Variants in ECT2L observed in about 807,000 individuals in gnomAD.
The protein encoded by ECT2L is epithelial cell transforming 2 like, also known as epithelial cell-transforming sequence 2 oncogene-like.
ECT2L carries 126 observed loss-of-function variants against 122.8 expected under a neutral mutation model. The observed-to-expected ratio is 1.03, with a 90% confidence interval of 0.89 to 1.19. ECT2L has a LOEUF of 1.19. Among genes scored for constraint, ECT2L ranks in the 50% most tolerant of loss-of-function variants. The pLI, the probability that ECT2L is intolerant of heterozygous loss-of-function variation, is 0.00. For synonymous variants in ECT2L, 385 were observed against 381.8 expected (o/e 1.01, Z -0.10); for missense variants, 1,012 against 1,064.1 (o/e 0.95, Z 0.68).
chr6:138,847,947 C>G (rs2128392327), intron 8 of ECT2L, among the ~76,000 whole-genome samples: 1 of 152,242 alleles, frequency 6.6e-6, no homozygotes, highest in African/African-American at 2.4e-5. Context: ...AAGGAGGCCT[C>G]AGGAAACTTA....
At chr6:138,850,150 CT>C (rs889584122) in intron 9 of ECT2L, among the ~76,000 whole-genome samples, 1 of 30,262 alleles carries the variant, frequency 3.3e-5, no homozygotes, top group Non-Finnish European at 7.5e-5. Flanking sequence ...TGACTTTTTT[CT>C]TTTTTCGAGA....
At chr6:138,809,930 A>G (rs1249685608) in intron 1 of ECT2L, among the ~76,000 whole-genome samples, 1 of 152,208 alleles carries the variant, frequency 6.6e-6, no homozygotes, top group Non-Finnish European at 1.5e-5. Flanking sequence ...ACAGCATGAA[A>G]TTGTTGTGGA....
intron 13 of ECT2L, among the ~76,000 whole-genome samples, chr6:138,874,200 A>G (rs1484092800): frequency 6.6e-6 from 1 of 152,100 alleles, no homozygotes; most frequent in South Asian, 2.1e-4. Context: ...CATCCTAGAG[A>G]AAAATTCCTA....
At chr6:138,817,278 C>A (rs555650014) in intron 4 of ECT2L, among the ~76,000 whole-genome samples, 1 of 152,254 alleles carries the variant, frequency 6.6e-6, no homozygotes, top group East Asian at 1.9e-4. Flanking sequence ...TGTTTTATTT[C>A]TCTTAGCTAT....
At chr6:138,826,487 C>A (rs1459754944) in intron 4 of ECT2L, among the ~76,000 whole-genome samples, 1 of 151,900 alleles carries the variant, frequency 6.6e-6, no homozygotes, top group Non-Finnish European at 1.5e-5. Context: ...ACCAGCCTGG[C>A]CAACATGGTG....
intron 15 of ECT2L, among the ~76,000 whole-genome samples, chr6:138,881,814 T>C (rs1463496461): frequency 1.3e-5 from 2 of 151,896 alleles, no homozygotes; most frequent in African/African-American, 2.4e-5. Flanking sequence ...CAGGGAGCGG[T>C]TGTAAATATC....
chr6:138,848,029 G>C (rs974137054), intron 8 of ECT2L, among the ~76,000 whole-genome samples: 8 of 152,182 alleles, frequency 5.3e-5, no homozygotes, highest in Admixed American at 1.3e-4. Flanking sequence ...AGAATGAGCA[G>C]AGGAAATGCC....
rs1250704729 is a variant in ECT2L, at chr6:138,887,768, T to C, written c.2325+846T>C. ...ACACATTTGTGCTTTGTGCATACTC[T>C]TTCTTCTCTGAAATTGCTTTTCTTT... On this transcript the variant is annotated intron_variant, in intron 19 of 21. Coordinates refer to ENST00000541398, the MANE Select transcript of ECT2L (RefSeq NM_001077706.3). 3.3e-5 allele frequency among the ~76,000 whole-genome samples: 5 copies of C among 152,360 alleles called. No individual in the cohort carries two copies. In the East Asian group the frequency reaches 7.7e-4, roughly 23 times the overall value.
chr6:138,898,179 C>T (rs1450819699), intron 20 of ECT2L, among the ~76,000 whole-genome samples: 1 of 152,190 alleles, frequency 6.6e-6, no homozygotes, highest in African/African-American at 2.4e-5. Context: ...AATGCACCTC[C>T]TGCCTTTCTT....
intron 20 of ECT2L, among the ~76,000 whole-genome samples, chr6:138,893,350 A>G (rs964714650): frequency 7.2e-5 from 11 of 151,782 alleles, no homozygotes; most frequent in African/African-American, 2.7e-4. Context: ...TTAAGAACAA[A>G]ATATTCTGGG....
At chr6:138,834,894 TACACACACACACACACACACACAC>T (rs544584441) in intron 4 of ECT2L, among the ~76,000 whole-genome samples, 1 of 137,336 alleles carries the variant, frequency 7.3e-6, no homozygotes, top group Admixed American at 7.5e-5. Flanking sequence ...TGCCCCCGTT[TACACACACACACACACACACACAC>T]ACACACACAC....
intron 13 of ECT2L, among the ~76,000 whole-genome samples, chr6:138,870,479 T>A (rs554119235): frequency 6.6e-5 from 10 of 152,158 alleles, no homozygotes; most frequent in African/African-American, 2.4e-4. Context: ...AATAGGGTGT[T>A]TTGTAGTTTC....
chr6:138,860,781 A>G (rs2128398479), intron 10 of ECT2L, among the ~76,000 whole-genome samples: 1 of 146,882 alleles, frequency 6.8e-6, no homozygotes, highest in South Asian at 2.1e-4. Context: ...ACATGGGTAT[A>G]CATGTGCCAT....
intron 13 of ECT2L, among the ~76,000 whole-genome samples, chr6:138,873,888 G>GTGTGTGTGTGTGTGTA (rs1778345703): frequency 2.4e-5 from 3 of 126,556 alleles, no homozygotes; most frequent in African/African-American, 9.1e-5. Context: ...GTGTGTGTGT[G>GTGTGTGTGTGTGTGTA]TGTGTGTGTG....
chr6:138,841,137 CATTTA>C (rs1777025398), intron 5 of ECT2L, among the ~76,000 whole-genome samples: 1 of 152,122 alleles, frequency 6.6e-6, no homozygotes, highest in Non-Finnish European at 1.5e-5. Context: ...TCTACCTAGT[CATTTA>C]TTTTAGATAT....
intron 4 of ECT2L, among the ~76,000 whole-genome samples, chr6:138,836,066 G>C (rs146309201): frequency 8.3e-4 from 127 of 152,210 alleles, no homozygotes; most frequent in Non-Finnish European, 1.5e-3. Flanking sequence ...AAATGATGCT[G>C]TGTTCTCAGT....
At chr6:138,874,311 T>C (rs1340809035) in intron 13 of ECT2L, among the ~76,000 whole-genome samples, 1 of 152,192 alleles carries the variant, frequency 6.6e-6, no homozygotes, top group Non-Finnish European at 1.5e-5. Flanking sequence ...CTTATAAATG[T>C]GCAAAGTTTC....
chr6:138,886,916 A>G lies in ECT2L; in HGVS notation c.2319A>G (p.Gly773=), dbSNP rs372912205. 6.2e-7 allele frequency: 1 copy of G among 1,612,106 alleles called. No homozygotes were observed. Among genetic ancestry groups the G allele is most frequent in the Non-Finnish European group, 8.5e-7 (1 of 1,178,674 alleles). The change falls in exon 19 of 22, where the codon GGA becomes GGG. Residue 773 remains glycine, a synonymous_variant. Transcript: ENST00000541398. ...CAGATATACAGAGAATCATCTGGGGATGCCCTGTATGTATTCTTAGGAACT... is the reference window on the plus strand; with the variant it reads ...CAGATATACAGAGAATCATCTGGGGGTGCCCTGTATGTATTCTTAGGAACT... ...HLSDIQRIIW[G]CPTLSEVNRY... is the part of the protein sequence containing the mutation.
chr6:138,810,134 G>A (rs963160645), intron 1 of ECT2L, among the ~76,000 whole-genome samples: 6 of 152,274 alleles, frequency 3.9e-5, no homozygotes, highest in African/African-American at 1.4e-4. Context: ...AGAAATAGAG[G>A]AGCTCAGAAG....
Sources: allele counts gnomAD v4.1 joint callset (sites outside exome capture counted in the v4.1 genomes callset), GRCh38; gene constraint gnomAD v4.1.1; transcripts MANE v1.5; gene names NCBI Gene and HGNC (gene_info 2026-07-23, HGNC 2026-07-21).